ZFYVE26: variants seen among roughly 807,000 people sequenced by gnomAD.
ZFYVE26 encodes zinc finger FYVE-type containing 26.
ZFYVE26 carries 181 observed loss-of-function variants against 276.5 expected under a neutral mutation model. The observed-to-expected ratio is 0.65, with a 90% CI of 0.58 to 0.74. The LOEUF is 0.74. Among genes scored for constraint, ZFYVE26 ranks in the 30% least tolerant of loss-of-function variants. The probability of loss-of-function intolerance (pLI) is 0.00; values close to 1 mark genes in which losing one functional copy is unlikely to be tolerated. For missense variants in ZFYVE26, 2,821 were observed against 3,097.9 expected (o/e 0.91, Z 2.12); for synonymous variants, 1,129 against 1,203.1 (o/e 0.94, Z 1.27).
intron 14 of ZFYVE26, among the ~76,000 whole-genome samples, chr14:67,791,148 TTAAG>T (rs2039803613): frequency 6.6e-6 from 1 of 152,220 alleles, no homozygotes; most frequent in African/African-American, 2.4e-5. Flanking sequence ...TGGTGTAACA[TTAAG>T]TGTCACAACT....
In ZFYVE26 at chr14:67,766,337, G is replaced by T. The variant is rs761823443; in HGVS notation, c.5901C>A (p.Asn1967Lys). The change falls in exon 32 of 42, where the codon AAC becomes AAA. Residue 1967 changes from asparagine to lysine, a missense_variant. Transcript: ENST00000347230. ...HCCRLSKGLT[N>K]PEVDAGLLTD... is the part of the protein sequence containing the mutation. Reference sequence around the variant, plus strand: ...TGAGCAGCCCGGCATCCACCTCTGGGTTGGTGAGGCCCTTGGAGAGCCTGC... The same window carrying T: ...TGAGCAGCCCGGCATCCACCTCTGGTTTGGTGAGGCCCTTGGAGAGCCTGC... 2 of 1,613,290 alleles carry T rather than the reference G, an allele frequency of 1.2e-6. No homozygotes were observed. Among genetic ancestry groups the T allele is most frequent in the African/African-American group, 2.7e-5 (2 of 74,908 alleles).
At chr14:67,775,214 T>C in intron 26 of ZFYVE26, 100 bp from the exon 27 acceptor site, 1 of 759,772 alleles carries the variant, frequency 1.3e-6, no homozygotes, top group Non-Finnish European at 2.1e-6. Context: ...CTTCTCTGAT[T>C]GTCATTCCAT....
intron 4 of ZFYVE26, among the ~76,000 whole-genome samples, 190 bp downstream of exon 4, chr14:67,809,010 A>C (rs972662327): frequency 2.0e-5 from 3 of 152,204 alleles, no homozygotes; most frequent in Non-Finnish European, 4.4e-5. Flanking sequence ...CTGGACAACC[A>C]CATCAAAAAT....
At chr14:67,797,608 A>C (rs752985607) in intron 12 of ZFYVE26, 64 bp downstream of exon 12, 1 of 1,541,820 alleles carries the variant, frequency 6.5e-7, no homozygotes. Context: ...TGTTTCTTAA[A>C]GAGTATTAGA....
At chr14:67,763,426 A>C (rs934273911) in intron 32 of ZFYVE26, among the ~76,000 whole-genome samples, 2 of 152,270 alleles carry the variant, frequency 1.3e-5, no homozygotes, top group African/African-American at 4.8e-5. Flanking sequence ...TGGTGGCCAC[A>C]TAGGATCATA....
At chr14:67,766,200 A>G (rs1177546960) in intron 32 of ZFYVE26, 27 bp downstream of exon 32, 7 of 1,610,488 alleles carry the variant, frequency 4.3e-6, no homozygotes, top group Non-Finnish European at 1.7e-6. Flanking sequence ...CTCCTGTGTA[A>G]AAGAATAGAG....
intron 3 of ZFYVE26, among the ~76,000 whole-genome samples, chr14:67,812,444 A>G (rs1389150552): frequency 5.3e-5 from 8 of 152,224 alleles, no homozygotes; most frequent in Non-Finnish European, 1.2e-4. Context: ...GGGAACCTGG[A>G]AAAGGACAGG....
rs377051874 is a variant in ZFYVE26 at position 67,809,223 on chromosome 14, C to G, written c.340G>C (p.Asp114His). The G allele has an allele frequency of 9.3e-6, 15 of 1,614,078 alleles. No homozygotes were observed. Among genetic ancestry groups the G allele is most frequent in the Non-Finnish European group, 1.3e-5 (15 of 1,180,006 alleles). The change falls in exon 4 of 42, where the codon GAC becomes CAC. Residue 114 changes from aspartate to histidine, a missense_variant. By Grantham distance (81) the Asp-to-His change is moderately conservative. Transcript: ENST00000347230. The stretch of plus-strand genomic sequence containing the variant: ...ACCTCGAGGATGTTCTCTGGAATGT[C>G]ACCTTGGAGGTCTTCTGACAATAAA... Reference protein sequence around the residue: ...FLLLSEDLQGDIPENILEELY... With the variant: ...FLLLSEDLQGHIPENILEELY...
chr14:67,805,654 TG>T (rs1398207850), intron 6 of ZFYVE26, 36 bp from the exon 7 acceptor site: 2 of 1,607,558 alleles, frequency 1.2e-6, no homozygotes, highest in Non-Finnish European at 1.7e-6. Flanking sequence ...GGCAGCTATG[TG>T]GATGAGACAG....
chr14:67,757,396 C>G (rs78899352), intron 35 of ZFYVE26, among the ~76,000 whole-genome samples: 1 of 152,332 alleles, frequency 6.6e-6, no homozygotes, highest in Non-Finnish European at 1.5e-5. Context: ...GGACTCTGCT[C>G]TAGCCACCCT....
chr14:67,765,839 G>C (rs1214209401), intron 32 of ZFYVE26, among the ~76,000 whole-genome samples: 1 of 152,286 alleles, frequency 6.6e-6, no homozygotes, highest in South Asian at 2.1e-4. Context: ...GTAGAGTTTT[G>C]TTCAAGGCTA....
At chr14:67,808,723 A>C (rs1254587376) in intron 4 of ZFYVE26, among the ~76,000 whole-genome samples, 2 of 152,002 alleles carry the variant, frequency 1.3e-5, no homozygotes, top group African/African-American at 4.8e-5. Context: ...CCTACTGTAA[A>C]TATGTCTTTA....
chr14:67,753,993 T>A, intron 38 of ZFYVE26, 78 bp downstream of exon 38: 1 of 1,608,178 alleles, frequency 6.2e-7, no homozygotes, highest in South Asian at 1.1e-5. Flanking sequence ...ACTGAAATAA[T>A]CACTAGACAA....
At chr14:67,813,449 T>C (rs1023116949) in intron 3 of ZFYVE26, among the ~76,000 whole-genome samples, 1 of 152,156 alleles carries the variant, frequency 6.6e-6, no homozygotes, top group African/African-American at 2.4e-5. Context: ...TTAATGGAAG[T>C]TTATCTTTAA....
chr14:67,775,171 C>T, intron 26 of ZFYVE26, 57 bp from the exon 27 acceptor site: 1 of 1,199,062 alleles, frequency 8.3e-7, no homozygotes. Context: ...TCTTGATTCA[C>T]CACCCTAGGC....
chr14:67,757,552 A>AT (rs1400826417), intron 35 of ZFYVE26, among the ~76,000 whole-genome samples: 3 of 150,836 alleles, frequency 2.0e-5, no homozygotes, highest in African/African-American at 7.3e-5. Flanking sequence ...TCCCTGTTTT[A>AT]TTTTTCTTCT....
chr14:67,777,452 A>G, intron 25 of ZFYVE26, 107 bp downstream of exon 25: 1 of 1,574,736 alleles, frequency 6.4e-7, no homozygotes, highest in African/African-American at 1.3e-5. Flanking sequence ...GTTCTGAAGA[A>G]GAGCTAGGCT....
At position 67,798,561 on chromosome 14, in the gene ZFYVE26, A is replaced by G. The variant is rs2040009736; in HGVS notation, c.1701T>C (p.Pro567=). The change falls in exon 11 of 42, where the codon CCT becomes CCC. Residue 567 remains proline, a synonymous_variant. Transcript: ENST00000347230. ...CCAGAAGCTCCAGGCACAGAGAGTC[A>G]GGAATACTGCACAGATACTGTTGAC... ...ARCQQYLCSI[P]DSLCLELLEN... The G allele has an allele frequency of 1.9e-6, 3 of 1,614,194 alleles. No homozygotes were observed. The East Asian group carries it at 6.7e-5, about 36-fold the overall frequency.
intron 7 of ZFYVE26, 45 bp from the exon 8 acceptor site, chr14:67,805,350 G>C: frequency 1.9e-6 from 3 of 1,613,412 alleles, no homozygotes; most frequent in South Asian, 2.2e-5. Context: ...TCAGGCACCT[G>C]GGGTTACAGA....
Sources: allele counts gnomAD v4.1 joint callset (sites outside exome capture counted in the v4.1 genomes callset), GRCh38; gene constraint gnomAD v4.1.1; transcripts MANE v1.5; gene names NCBI Gene and HGNC (gene_info 2026-07-23, HGNC 2026-07-21).